The following FMNL2 variants were observed in gnomAD, a reference collection of about 807,000 sequenced individuals.
FMNL2 encodes formin like 2.
FMNL2 carries 51 observed loss-of-function variants against 130.2 expected under a neutral mutation model. That is an observed-to-expected ratio of 0.39 (90% CI 0.31 to 0.49). FMNL2 has a LOEUF of 0.49. Among genes scored for constraint, FMNL2 ranks in the 20% least tolerant of loss-of-function variants. The pLI, the probability that FMNL2 is intolerant of heterozygous loss-of-function variation, is 0.85. For missense variants in FMNL2, 977 were observed against 1,316.2 expected (o/e 0.74, Z 3.99); for synonymous variants, 465 against 467.1 (o/e 1.00, Z 0.06).
chr2:152,610,508 A>G (rs1348084693), intron 10 of FMNL2, among the ~76,000 whole-genome samples: 1 of 152,176 alleles, frequency 6.6e-6, no homozygotes. Flanking sequence ...TTCTATCTCA[A>G]TAGTTTAGCC....
At chr2:152,586,965 T>A (rs1697115402) in intron 9 of FMNL2, among the ~76,000 whole-genome samples, 1 of 152,184 alleles carries the variant, frequency 6.6e-6, no homozygotes, top group Non-Finnish European at 1.5e-5. Flanking sequence ...AAGACCTGAT[T>A]GACTGGGGAT....
intron 4 of FMNL2, among the ~76,000 whole-genome samples, chr2:152,557,606 A>G (rs1444608088): frequency 1.3e-5 from 2 of 152,208 alleles, no homozygotes; most frequent in African/African-American, 2.4e-5. Context: ...CAAACAAAAA[A>G]CCAAATATCC....
intron 1 of FMNL2, among the ~76,000 whole-genome samples, chr2:152,409,105 C>T (rs556902275): frequency 6.6e-6 from 1 of 152,132 alleles, no homozygotes; most frequent in Non-Finnish European, 1.5e-5. Flanking sequence ...AAGCAGTGTT[C>T]GTAGGTGCAT....
chr2:152,647,694 TCTACACAAG>T, intron 25 of FMNL2, 93 bp from the exon 26 acceptor site: 1 of 1,092,604 alleles, frequency 9.2e-7, no homozygotes. Flanking sequence ...AGCTGACTTT[TCTACACAAG>T]CTGCTTTGAT....
chr2:152,426,901 C>T (rs985570757), intron 1 of FMNL2, among the ~76,000 whole-genome samples: 2 of 151,968 alleles, frequency 1.3e-5, no homozygotes, highest in Non-Finnish European at 2.9e-5. Flanking sequence ...AAATTTTAAG[C>T]ACAACTCATC....
intron 15 of FMNL2, 145 bp downstream of exon 15, chr2:152,619,863 A>C: frequency 6.9e-7 from 1 of 1,439,428 alleles, no homozygotes. Context: ...GATGTAGCCG[A>C]TAGAGGGAAC....
intron 1 of FMNL2, among the ~76,000 whole-genome samples, chr2:152,503,363 A>C (rs1691962349): frequency 6.6e-6 from 1 of 152,172 alleles, no homozygotes; most frequent in South Asian, 2.1e-4. Flanking sequence ...CTATTATAGG[A>C]TTCTTGTTGA....
intron 1 of FMNL2, among the ~76,000 whole-genome samples, chr2:152,389,070 G>T (rs538180324): frequency 1.3e-5 from 2 of 151,850 alleles, no homozygotes; most frequent in African/African-American, 4.8e-5. Flanking sequence ...TTTCAATTTG[G>T]ACTTAACAGG....
At chr2:152,422,204 T>C (rs75167791) in intron 1 of FMNL2, among the ~76,000 whole-genome samples, 5,333 of 152,264 alleles carry the variant, frequency 0.035, 310 homozygotes, top group African/African-American at 0.12. Flanking sequence ...TTAAATTGTT[T>C]TGTGGGTATG....
At chr2:152,388,867 C>G (rs946532335) in intron 1 of FMNL2, among the ~76,000 whole-genome samples, 12 of 152,174 alleles carry the variant, frequency 7.9e-5, no homozygotes, top group Non-Finnish European at 1.6e-4. Context: ...CTATGACTGT[C>G]TACTTTTTGT....
intron 1 of FMNL2, among the ~76,000 whole-genome samples, chr2:152,412,441 AT>A (rs1201500068): frequency 2.0e-5 from 2 of 100,892 alleles, no homozygotes; most frequent in Non-Finnish European, 3.6e-5. Context: ...TTTCTTCTGT[AT>A]ATTTTATATA....
chr2:152,533,978 G>A (rs909690406), intron 2 of FMNL2, among the ~76,000 whole-genome samples: 6 of 152,096 alleles, frequency 3.9e-5, no homozygotes, highest in Admixed American at 1.3e-4. Context: ...GATGGTTTAT[G>A]TTATATCATC....
intron 2 of FMNL2, among the ~76,000 whole-genome samples, chr2:152,541,036 A>G (rs1465631748): frequency 6.6e-6 from 1 of 152,232 alleles, no homozygotes; most frequent in Admixed American, 6.5e-5. Flanking sequence ...TGAAATACCA[A>G]AAAATTCCGT....
chr2:152,356,313 A>G (rs1682776556), intron 1 of FMNL2, among the ~76,000 whole-genome samples: 1 of 150,930 alleles, frequency 6.6e-6, no homozygotes, highest in Non-Finnish European at 1.5e-5. Context: ...TTGTGTAGAC[A>G]GGGTTTCACC....
At chr2:152,452,220 C>T (rs982279257) in intron 1 of FMNL2, among the ~76,000 whole-genome samples, 3 of 152,128 alleles carry the variant, frequency 2.0e-5, no homozygotes, top group East Asian at 1.9e-4. Context: ...GAGGGACTTG[C>T]GTGATAGATT....
At chr2:152,435,529 G>C (rs1445191586) in intron 1 of FMNL2, among the ~76,000 whole-genome samples, 1 of 151,862 alleles carries the variant, frequency 6.6e-6, no homozygotes, top group East Asian at 1.9e-4. Context: ...ATAGTTAGTG[G>C]GATGTACACT....
At chr2:152,402,485 G>A (rs1685760508) in intron 1 of FMNL2, among the ~76,000 whole-genome samples, 1 of 152,088 alleles carries the variant, frequency 6.6e-6, no homozygotes, top group Non-Finnish European at 1.5e-5. Flanking sequence ...CTCTTAACAG[G>A]AGCAAATTGA....
At chr2:152,336,472 CCT>C (rs571565298) in intron 1 of FMNL2, among the ~76,000 whole-genome samples, 99 of 152,312 alleles carry the variant, frequency 6.5e-4, no homozygotes, top group African/African-American at 2.3e-3. Context: ...CCCCTCCCCT[CCT>C]CTTGCACGCC....
chr2:152,336,826 G>A (rs958684667), intron 1 of FMNL2, among the ~76,000 whole-genome samples: 2 of 152,170 alleles, frequency 1.3e-5, no homozygotes, highest in African/African-American at 4.8e-5. Context: ...ACAAGACTAG[G>A]CAGCAAGGGA....
Sources: gnomAD v4.1 joint callset for allele counts (sites outside exome capture counted in the v4.1 genomes callset) on GRCh38, gnomAD v4.1.1 for gene constraint, MANE v1.5 for transcripts, NCBI Gene and HGNC (gene_info 2026-07-23, HGNC 2026-07-21) for gene names.